CHODL: variants seen among roughly 807,000 people sequenced by gnomAD.
CHODL encodes chondrolectin.
In CHODL, 29 loss-of-function variants were observed where a neutral mutation model predicts 34.5. The observed-to-expected ratio is 0.84, with a 90% confidence interval of 0.63 to 1.15. The LOEUF is 1.15. CHODL is among the 50% of genes most tolerant of loss of function. The pLI, the probability that CHODL is intolerant of heterozygous loss-of-function variation, is 0.00. For synonymous variants in CHODL, 125 were observed against 116.1 expected (o/e 1.08, Z -0.49); for missense variants, 332 against 332.5 (o/e 1.00, Z 0.01).
intron 2 of CHODL, among the ~76,000 whole-genome samples, chr21:18,032,710 T>C (rs558321158): frequency 2.3e-4 from 35 of 152,138 alleles, no homozygotes; most frequent in African/African-American, 7.5e-4. Flanking sequence ...TCCTTTTTTT[T>C]CCCCACTGAA....
At chr21:18,168,028 CTTTCTCCTG>C (rs2073178785) in intron 2 of CHODL, among the ~76,000 whole-genome samples, 1 of 152,158 alleles carries the variant, frequency 6.6e-6, no homozygotes, top group Admixed American at 6.5e-5. Flanking sequence ...TGGCCTCCAT[CTTTCTCCTG>C]TGATGAATTC....
intron 2 of CHODL, among the ~76,000 whole-genome samples, chr21:18,188,982 C>A (rs1176842519): frequency 2.0e-5 from 3 of 152,174 alleles, no homozygotes; most frequent in African/African-American, 7.2e-5. Flanking sequence ...GATGTCCTTG[C>A]AGTACTATTT....
intron 2 of CHODL, among the ~76,000 whole-genome samples, chr21:18,158,838 T>TAA (rs11423104): frequency 0.12 from 14,586 of 120,996 alleles, 1,143 homozygotes; most frequent in African/African-American, 0.2. Context: ...AACTCCGTCT[T>TAA]AAAAAAAAAA....
chr21:18,170,384 A>G (rs2073212696), intron 2 of CHODL, among the ~76,000 whole-genome samples: 3 of 152,048 alleles, frequency 2.0e-5, no homozygotes, highest in Admixed American at 2.0e-4. Flanking sequence ...GTTGATTGGC[A>G]TATTTCAAGC....
At chr21:18,082,030 AC>A (rs2064948623) in intron 2 of CHODL, among the ~76,000 whole-genome samples, 1 of 152,032 alleles carries the variant, frequency 6.6e-6, no homozygotes, top group African/African-American at 2.4e-5. Flanking sequence ...ATATGTTTTG[AC>A]TCTGTGTCCC....
intron 2 of CHODL, among the ~76,000 whole-genome samples, chr21:18,065,919 A>G (rs923090791): frequency 6.6e-6 from 1 of 152,178 alleles, no homozygotes; most frequent in Admixed American, 6.5e-5. Flanking sequence ...ATAGTGATGC[A>G]TGGCTATTTA....
intron 2 of CHODL, among the ~76,000 whole-genome samples, chr21:18,235,144 A>AT (rs2074017421): frequency 6.6e-6 from 1 of 152,146 alleles, no homozygotes; most frequent in East Asian, 1.9e-4. Context: ...GAATGTGGAC[A>AT]TGAAGTACAA....
chr21:18,124,890 C>T (rs779018668), intron 2 of CHODL, among the ~76,000 whole-genome samples: 16 of 152,110 alleles, frequency 1.1e-4, no homozygotes, highest in Admixed American at 2.0e-4. Flanking sequence ...ACAAACAAAG[C>T]GAAAATAAAA....
intron 1 of CHODL, among the ~76,000 whole-genome samples, chr21:18,255,677 AT>A (rs1018428006): frequency 6.6e-6 from 1 of 152,004 alleles, no homozygotes; most frequent in African/African-American, 2.4e-5. Context: ...CTAAGCCATC[AT>A]TTTTTTCACA....
intron 2 of CHODL, among the ~76,000 whole-genome samples, chr21:18,181,566 C>A (rs1224051439): frequency 6.6e-6 from 1 of 152,160 alleles, no homozygotes; most frequent in Non-Finnish European, 1.5e-5. Context: ...CCACGCCCGG[C>A]TAATTTTTTG....
intron 3 of CHODL, among the ~76,000 whole-genome samples, chr21:18,259,037 A>G (rs1004592324): frequency 1.3e-5 from 2 of 152,170 alleles, no homozygotes; most frequent in Non-Finnish European, 2.9e-5. Context: ...ATCTGTGTAC[A>G]AGAGTAACAA....
chr21:18,263,476 G>C (rs73206963), intron 5 of CHODL, among the ~76,000 whole-genome samples: 7 of 152,100 alleles, frequency 4.6e-5, no homozygotes, highest in Non-Finnish European at 1.5e-5. Flanking sequence ...AGATTTCTGG[G>C]GGAATATTAT....
chr21:18,081,687 GAAAA>G (rs34292856), intron 2 of CHODL, among the ~76,000 whole-genome samples: 1 of 83,638 alleles, frequency 1.2e-5, no homozygotes, highest in Non-Finnish European at 3.0e-5. Context: ...ATCTCAAAAA[GAAAA>G]AAAAAAAAAA....
chr21:18,191,674 A>T (rs996625061), intron 2 of CHODL, among the ~76,000 whole-genome samples: 8 of 152,184 alleles, frequency 5.3e-5, no homozygotes, highest in African/African-American at 1.9e-4. Context: ...GAGGTGTAGA[A>T]GTACTTAAGT....
intron 2 of CHODL, among the ~76,000 whole-genome samples, chr21:18,196,097 T>C (rs1320327778): frequency 6.6e-6 from 1 of 152,222 alleles, no homozygotes; most frequent in Non-Finnish European, 1.5e-5. Context: ...ATATGTACAT[T>C]TCATAAATAA....
chr21:18,070,194 C>A (rs2064786549), intron 2 of CHODL, among the ~76,000 whole-genome samples: 1 of 151,644 alleles, frequency 6.6e-6, no homozygotes, highest in African/African-American at 2.4e-5. Flanking sequence ...ACTCATGTAA[C>A]CAAACACCAC....
intron 1 of CHODL, among the ~76,000 whole-genome samples, chr21:17,961,562 C>T (rs2063532384): frequency 6.6e-6 from 1 of 152,162 alleles, no homozygotes; most frequent in South Asian, 2.1e-4. Flanking sequence ...TATCATTTAA[C>T]TTACCTATCC....
chr21:18,233,493 A>G (rs2074001609), intron 2 of CHODL, among the ~76,000 whole-genome samples: 1 of 152,140 alleles, frequency 6.6e-6, no homozygotes, highest in South Asian at 2.1e-4. Flanking sequence ...ATGTTTCAAA[A>G]CAGTGCCAGA....
chr21:17,936,853 A>T (rs1188159273), intron 1 of CHODL, among the ~76,000 whole-genome samples: 1 of 152,146 alleles, frequency 6.6e-6, no homozygotes, highest in Non-Finnish European at 1.5e-5. Flanking sequence ...AGGCGGGCAG[A>T]TCATGAGGTC....
Sources: gnomAD v4.1 joint callset for allele counts (sites outside exome capture counted in the v4.1 genomes callset) on GRCh38, gnomAD v4.1.1 for gene constraint, MANE v1.5 for transcripts, NCBI Gene and HGNC (gene_info 2026-07-23, HGNC 2026-07-21) for gene names.